ROBO2: variants seen among roughly 807,000 people sequenced by gnomAD.
ROBO2 encodes the protein roundabout guidance receptor 2, also known as roundabout homolog 2.
Under a neutral mutation model 160.8 loss-of-function variants are expected in ROBO2, and 53 were observed. The observed-to-expected ratio is 0.33, with a 90% CI of 0.26 to 0.41. The LOEUF is 0.41. ROBO2 is among the 10% of genes least tolerant of loss of function. The pLI is 1.00. For synonymous variants in ROBO2, 664 were observed against 611.7 expected, an observed-to-expected ratio of 1.09 and a Z score of -1.26; for missense variants, 1,577 against 1,722.4, an observed-to-expected ratio of 0.92 and a Z score of 1.49.
At chr3:76,400,899 C>T (rs1400332448) in intron 2 of ROBO2, among the ~76,000 whole-genome samples, 1 of 151,410 alleles carries the variant, frequency 6.6e-6, no homozygotes, top group South Asian at 2.1e-4. Context: ...TCTTGTTTTG[C>T]AGATTGCTAT....
intron 2 of ROBO2, among the ~76,000 whole-genome samples, chr3:75,963,794 T>C (rs1949009301): frequency 1.3e-5 from 2 of 151,754 alleles, no homozygotes; most frequent in Non-Finnish European, 2.9e-5. Flanking sequence ...TCTTGGCTTG[T>C]AGGTGGTTGC....
intron 2 of ROBO2, among the ~76,000 whole-genome samples, chr3:77,246,486 G>T (rs1164526031): frequency 2.0e-5 from 3 of 152,152 alleles, no homozygotes; most frequent in East Asian, 1.9e-4. Flanking sequence ...ATATATGGGA[G>T]ATCACTTAGT....
chr3:77,287,674 A>G (rs1222250875), intron 2 of ROBO2, among the ~76,000 whole-genome samples: 2 of 152,170 alleles, frequency 1.3e-5, no homozygotes, highest in Non-Finnish European at 2.9e-5. Context: ...AGAGTTTCTC[A>G]TAGATTCTGT....
chr3:77,523,239 A>T (rs1157699583), intron 6 of ROBO2, among the ~76,000 whole-genome samples: 1 of 151,398 alleles, frequency 6.6e-6, no homozygotes, highest in Admixed American at 6.6e-5. Context: ...TTTAAATGTC[A>T]TCAGTTTCAA....
At chr3:76,476,801 G>A (rs957685150) in intron 2 of ROBO2, among the ~76,000 whole-genome samples, 6 of 151,832 alleles carry the variant, frequency 4.0e-5, no homozygotes, top group Non-Finnish European at 5.9e-5. Flanking sequence ...TTTACCAAAC[G>A]AGATTTGATC....
chr3:77,324,399 A>G (rs1380418551), intron 2 of ROBO2, among the ~76,000 whole-genome samples: 1 of 152,164 alleles, frequency 6.6e-6, no homozygotes, highest in Non-Finnish European at 1.5e-5. Context: ...ACCTGCCAAC[A>G]TATTCCATTA....
At chr3:76,336,982 A>T (rs535179448) in intron 2 of ROBO2, among the ~76,000 whole-genome samples, 4 of 152,030 alleles carry the variant, frequency 2.6e-5, no homozygotes, top group East Asian at 1.9e-4. Context: ...TTGGGTATTT[A>T]AAAAAAACCC....
intron 2 of ROBO2, among the ~76,000 whole-genome samples, chr3:76,699,519 T>C (rs1195902195): frequency 6.6e-6 from 1 of 152,130 alleles, no homozygotes; most frequent in Non-Finnish European, 1.5e-5. Flanking sequence ...CCCATATTGA[T>C]ATTAAATCTC....
chr3:76,268,834 C>T (rs1412818385), intron 2 of ROBO2, among the ~76,000 whole-genome samples: 1 of 151,952 alleles, frequency 6.6e-6, no homozygotes, highest in African/African-American at 2.4e-5. Flanking sequence ...CCTGAGTCTC[C>T]AAGGTAAATC....
At chr3:76,320,180 AAAC>A (rs748945063) in intron 2 of ROBO2, among the ~76,000 whole-genome samples, 6 of 152,286 alleles carry the variant, frequency 3.9e-5, no homozygotes, top group African/African-American at 1.2e-4. Flanking sequence ...TATTATGCAA[AAAC>A]AACAATAAAA....
intron 2 of ROBO2, among the ~76,000 whole-genome samples, chr3:76,706,988 T>C (rs1265860451): frequency 6.6e-6 from 1 of 151,694 alleles, no homozygotes; most frequent in Non-Finnish European, 1.5e-5. Context: ...TTGACAGATT[T>C]CTAAAGTGTC....
At chr3:76,043,362 G>T (rs1366447363) in intron 2 of ROBO2, among the ~76,000 whole-genome samples, 1 of 151,478 alleles carries the variant, frequency 6.6e-6, no homozygotes, top group Non-Finnish European at 1.5e-5. Context: ...TTGCTGCTTT[G>T]TTCCTTCACC....
intron 2 of ROBO2, among the ~76,000 whole-genome samples, chr3:76,617,660 T>C (rs2088701725): frequency 6.6e-6 from 1 of 152,190 alleles, no homozygotes; most frequent in Admixed American, 6.5e-5. Flanking sequence ...TCAGCCCTTC[T>C]TCTATTCCAT....
At chr3:76,655,747 A>C (rs1289280059) in intron 2 of ROBO2, among the ~76,000 whole-genome samples, 1 of 149,514 alleles carries the variant, frequency 6.7e-6, no homozygotes, top group Non-Finnish European at 1.5e-5. Flanking sequence ...GGAGGGAGGA[A>C]AGAAGGAAGG....
At chr3:77,044,441 ATCT>A (rs1159253985) in intron 1 of ROBO2, among the ~76,000 whole-genome samples, 1 of 152,068 alleles carries the variant, frequency 6.6e-6, no homozygotes, top group Non-Finnish European at 1.5e-5. Flanking sequence ...AAAGATTATC[ATCT>A]TATTTACTAT....
chr3:77,621,657 T>G (rs551822277), intron 22 of ROBO2, among the ~76,000 whole-genome samples: 4 of 152,144 alleles, frequency 2.6e-5, no homozygotes, highest in African/African-American at 9.7e-5. Flanking sequence ...AAATTAGTTG[T>G]GCCTACCCTA....
At chr3:76,871,981 C>G (rs888098193) in intron 2 of ROBO2, among the ~76,000 whole-genome samples, 5 of 152,038 alleles carry the variant, frequency 3.3e-5, no homozygotes, top group African/African-American at 1.2e-4. Flanking sequence ...TTCATTCTTT[C>G]TTTTTCATGA....
intron 2 of ROBO2, among the ~76,000 whole-genome samples, chr3:75,985,505 A>G (rs867258020): frequency 4.0e-5 from 6 of 151,576 alleles, no homozygotes; most frequent in Non-Finnish European, 7.4e-5. Context: ...GATAGCTTCA[A>G]TTTCACTAGG....
chr3:76,875,493 G>A (rs750470495), intron 2 of ROBO2, among the ~76,000 whole-genome samples: 3 of 152,098 alleles, frequency 2.0e-5, no homozygotes, highest in African/African-American at 4.8e-5. Context: ...GGGCTTTATG[G>A]TGCTAAAATC....
Sources: gnomAD v4.1 joint callset for allele counts (sites outside exome capture counted in the v4.1 genomes callset) on GRCh38, gnomAD v4.1.1 for gene constraint, MANE v1.5 for transcripts, NCBI Gene and HGNC (gene_info 2026-07-23, HGNC 2026-07-21) for gene names.